SLC29A4: variants seen among roughly 807,000 people sequenced by gnomAD.
SLC29A4 encodes solute carrier family 29 member 4.
A neutral mutation model predicts 43.9 loss-of-function variants in SLC29A4; 36 were observed. That is an observed-to-expected ratio of 0.82 (90% CI 0.63 to 1.08). SLC29A4 has a LOEUF of 1.08. Ranked by LOEUF, SLC29A4 falls within the 50% of genes least tolerant of loss-of-function variation. The pLI is 0.00. For missense variants in SLC29A4, 869 were observed against 755.3 expected, an observed-to-expected ratio of 1.15 and a Z score of -1.77; for synonymous variants, 491 against 338.0, an observed-to-expected ratio of 1.45 and a Z score of -4.97.
chr7:5,301,425 C>A (rs1208464738), intron 10 of SLC29A4, among the ~76,000 whole-genome samples: 1 of 152,060 alleles, frequency 6.6e-6, no homozygotes, highest in Non-Finnish European at 1.5e-5. Context: ...GAGGAGGTGA[C>A]TTGTGAGCAA....
At chr7:5,286,692 C>T (rs1440544499) in intron 1 of SLC29A4, among the ~76,000 whole-genome samples, 2 of 152,128 alleles carry the variant, frequency 1.3e-5, no homozygotes, top group African/African-American at 4.8e-5. Context: ...GCAAGAAGCA[C>T]TGAGGCAAGA....
chr7:5,287,788 T>G, intron 1 of SLC29A4, 21 bp from the exon 2 acceptor site: 2 of 1,605,810 alleles, frequency 1.2e-6, no homozygotes, highest in South Asian at 1.1e-5. Context: ...TCACCTGCTC[T>G]CTCTGCTTTC....
chr7:5,297,981 T>TGCACAGCCCC (rs964496149), intron 7 of SLC29A4, among the ~76,000 whole-genome samples: 7 of 152,224 alleles, frequency 4.6e-5, no homozygotes, highest in African/African-American at 1.7e-4. Context: ...GCAGCAGCAC[T>TGCACAGCCCC]GCACAGCCCC....
intron 10 of SLC29A4, 50 bp downstream of exon 10, chr7:5,300,712 G>GC (rs778421349): frequency 1.5e-5 from 24 of 1,583,660 alleles, no homozygotes; most frequent in East Asian, 2.2e-5. Context: ...GCAGCGCAAT[G>GC]CCCCCCTCGC....
At position 5,304,737 on chromosome 7, in the gene SLC29A4, C is replaced by G. The variant is rs1189986909; in HGVS notation, c.*1798C>G. 6.6e-6 allele frequency: 1 copy of G among 152,224 alleles called. No individual in the cohort carries two copies. The highest frequency in any genetic ancestry group is 2.4e-5 in the African/African-American group (1 of 41,434). 9.4% of individuals were successfully genotyped at this position (152,224 alleles called of 1,614,324 possible). A position where few individuals can be genotyped will look rare whatever the true frequency, so the allele number is the denominator to read the frequency against. Reference sequence around the variant, plus strand: ...CATGCTGGTCTCGAACTCCTGATCTCAAGTGATCCATCTGTCTCATCCTCC... The same window carrying G: ...CATGCTGGTCTCGAACTCCTGATCTGAAGTGATCCATCTGTCTCATCCTCC... On this transcript the variant is annotated 3_prime_UTR_variant, in exon 11 of 11. Coordinates refer to ENST00000396872, the MANE Select transcript of SLC29A4 (RefSeq NM_153247.4).
At chr7:5,283,777 T>A (rs898215988) in intron 1 of SLC29A4, among the ~76,000 whole-genome samples, 2 of 152,120 alleles carry the variant, frequency 1.3e-5, no homozygotes, top group Non-Finnish European at 1.5e-5. Flanking sequence ...ACCAGGGGTG[T>A]ACCAGGCATC....
intron 1 of SLC29A4, among the ~76,000 whole-genome samples, chr7:5,283,895 C>T (rs1562437080): frequency 6.6e-6 from 1 of 152,202 alleles, no homozygotes; most frequent in South Asian, 2.1e-4. Context: ...GCGCGGCCCC[C>T]GAGTGAGGCC....
At chr7:5,285,322 G>A (rs1167960689) in intron 1 of SLC29A4, among the ~76,000 whole-genome samples, 1 of 151,800 alleles carries the variant, frequency 6.6e-6, no homozygotes, top group Non-Finnish European at 1.5e-5. Flanking sequence ...CTGACGAGGG[G>A]CAGTCAGGGG....
rs772732570 is a variant in SLC29A4, at chr7:5,297,013, ATCT to A, written c.703_705del (p.Phe235del). The stretch of plus-strand genomic sequence containing the variant: ...GCCCGACGAGCGCGCCAGCACGCTC[ATCT>A]TCTTCCTGGTGTCGGTGGCGCTGGA... On this transcript the variant is annotated inframe_deletion, in exon 7 of 11. Transcript: ENST00000396872. The A allele has an allele frequency of 2.4e-5, 39 of 1,604,832 alleles. No homozygotes were observed. The highest frequency in any genetic ancestry group is 3.1e-5 in the Non-Finnish European group (37 of 1,179,384).
At position 5,302,928 on chromosome 7, in the gene SLC29A4, G is replaced by C; in HGVS notation, c.1582G>C (p.Ala528Pro). The C allele has an allele frequency of 6.2e-7, 1 of 1,606,554 alleles. No individual in the cohort carries two copies. The part of the protein sequence containing the change: ...HASTANGSIL[A>P]GL ...CTCCACCGCCAATGGTTCCATCCTC[G>C]CAGGCCTCTGAGCCAGCCCCGCCCA... Residue 528 changes from alanine to proline, a missense_variant, in exon 11 of 11, where the codon GCA becomes CCA. Coordinates refer to ENST00000396872, the MANE Select transcript of SLC29A4 (RefSeq NM_153247.4).
chr7:5,299,469 G>A, intron 9 of SLC29A4, 42 bp downstream of exon 9: 1 of 1,584,582 alleles, frequency 6.3e-7, no homozygotes, highest in Non-Finnish European at 8.6e-7. Context: ...ACGCCATGGG[G>A]TGGGGGTGAC....
chr7:5,292,873 A>AT (rs1197013898), intron 5 of SLC29A4, among the ~76,000 whole-genome samples: 1 of 150,636 alleles, frequency 6.6e-6, no homozygotes, highest in Non-Finnish European at 1.5e-5. Context: ...TAATTTTTGT[A>AT]TTTTTAGTAG....
In SLC29A4 at chr7:5,299,032, C is replaced by T; in HGVS notation, c.927C>T (p.Asp309=). The change falls in exon 8 of 11, where the codon GAC becomes GAT. Residue 309 remains aspartate, a synonymous_variant. Transcript: ENST00000396872. The stretch of plus-strand genomic sequence containing the variant: ...TGGCCCCCAACGAGTCCCCAAAGGA[C>T]AGCCCAGCCCACGAGGTGACCGGCA... The part of the protein sequence containing the change: ...PALAPNESPK[D]SPAHEVTGSG... The T allele has an allele frequency of 6.2e-7, 1 of 1,611,940 alleles. No individual in the cohort carries two copies. The highest frequency in any genetic ancestry group is 1.1e-5 in the South Asian group (1 of 91,046).
At chr7:5,289,254 G>A (rs1037026221) in intron 2 of SLC29A4, among the ~76,000 whole-genome samples, 4 of 152,058 alleles carry the variant, frequency 2.6e-5, no homozygotes, top group East Asian at 1.9e-4. Flanking sequence ...AAAATTAGCC[G>A]GGTGTGGTGG....
intron 1 of SLC29A4, among the ~76,000 whole-genome samples, chr7:5,284,239 A>T (rs1279360522): frequency 6.6e-6 from 1 of 152,220 alleles, no homozygotes; most frequent in Non-Finnish European, 1.5e-5. Context: ...AAATTAAAAA[A>T]ATTAATAAAT....
Position 5,298,974 on chromosome 7 carries a change from C to T in SLC29A4, c.883-14C>T, listed in dbSNP as rs753507675. 3 of 1,605,356 alleles carry T rather than the reference C, an allele frequency of 1.9e-6. No individual in the cohort carries two copies. Among genetic ancestry groups the T allele is most frequent in the South Asian group, 1.1e-5 (1 of 90,864 alleles). ...CTTCCACTCCAACCCCATCCCACTC[C>T]ATCCTCCCTCCAGGAGCACCCAGCC... On this transcript the variant is annotated splice_polypyrimidine_tract_variant and intron_variant, in intron 7 of 10. Coordinates refer to ENST00000396872, the MANE Select transcript of SLC29A4 (RefSeq NM_153247.4).
At position 5,303,110 on chromosome 7, in the gene SLC29A4, CAA is replaced by C; in HGVS notation, c.*173_*174del. On this transcript the variant is annotated 3_prime_UTR_variant, in exon 11 of 11. Transcript: ENST00000396872. ...TGCCCCACCCTGGACTGAAGTTCTGCAAAGTCCTCCGAGGACCGGAACACGTT... is the reference window on the plus strand; with the variant it reads ...TGCCCCACCCTGGACTGAAGTTCTGCAGTCCTCCGAGGACCGGAACACGTT... 1 of 774,882 alleles carries C rather than the reference CAA, an allele frequency of 1.3e-6. No individual in the cohort carries two copies. Among genetic ancestry groups the C allele is most frequent in the South Asian group, 1.8e-5 (1 of 54,922 alleles). The allele number at this position is 774,882 out of a possible 1,614,324, so 48.0% of individuals were successfully genotyped here.
intron 10 of SLC29A4, among the ~76,000 whole-genome samples, chr7:5,301,119 C>T (rs76087245): frequency 0.19 from 28,278 of 151,956 alleles, 3,438 homozygotes; most frequent in East Asian, 0.54. Context: ...AAAAAATTAG[C>T]TGGGTATGGT....
Position 5,299,266 on chromosome 7 carries a change from G to T in SLC29A4, c.1048G>T (p.Ala350Ser). ...CCTGTTACTGCACCGCTACGTGGTG[G>T]CGCGGGTGATCTGGGCCGACATGCT... The part of the protein sequence containing the change: ...RALLLHRYVV[A>S]RVIWADMLSI... The change falls in exon 9 of 11, where the codon GCG becomes TCG. Residue 350 changes from alanine (A) to serine (S), a missense_variant. By Grantham distance (99) the Ala-to-Ser change is moderately conservative. Transcript: ENST00000396872. The T allele has an allele frequency of 6.2e-7, 1 of 1,612,192 alleles. No homozygotes were observed. Among genetic ancestry groups the T allele is most frequent in the Non-Finnish European group, 8.5e-7 (1 of 1,179,950 alleles).
Sources: gnomAD v4.1 joint callset for allele counts (sites outside exome capture counted in the v4.1 genomes callset) on GRCh38, gnomAD v4.1.1 for gene constraint, MANE v1.5 for transcripts, NCBI Gene and HGNC (gene_info 2026-07-23, HGNC 2026-07-21) for gene names.